The following MARCHF1 variants were observed in gnomAD, a reference collection of about 807,000 sequenced individuals.
MARCHF1 encodes membrane associated ring-CH-type finger 1, also known as E3 ubiquitin-protein ligase MARCHF1.
MARCHF1 carries 40 observed loss-of-function variants against 54.2 expected under a neutral mutation model. That is an observed-to-expected ratio of 0.74 (90% CI 0.57 to 0.96). The LOEUF (loss-of-function observed/expected upper bound fraction) is 0.96. MARCHF1 is among the 40% of genes least tolerant of loss of function. The pLI is 0.00. For missense variants in MARCHF1, 586 were observed against 656.5 expected (o/e 0.89, Z 1.17); for synonymous variants, 236 against 236.3 (o/e 1.00, Z 0.01).
chr4:163,788,004 G>A (rs1747669581), intron 4 of MARCHF1, among the ~76,000 whole-genome samples: 2 of 151,920 alleles, frequency 1.3e-5, no homozygotes, highest in Admixed American at 6.6e-5. Flanking sequence ...ATACTTTGAC[G>A]TATCTAAAGT....
intron 2 of MARCHF1, among the ~76,000 whole-genome samples, chr4:164,010,546 C>T (rs1753399413): frequency 6.6e-6 from 1 of 151,334 alleles, no homozygotes; most frequent in Non-Finnish European, 1.5e-5. Flanking sequence ...AAATAAAATA[C>T]CTAGAAATAA....
intron 3 of MARCHF1, among the ~76,000 whole-genome samples, chr4:163,934,164 C>T (rs779507482): frequency 2.0e-5 from 3 of 152,094 alleles, no homozygotes; most frequent in Non-Finnish European, 2.9e-5. Flanking sequence ...GGACCACTAC[C>T]GTGCACTGCT....
At chr4:163,909,672 A>G (rs1359909694) in intron 3 of MARCHF1, among the ~76,000 whole-genome samples, 1 of 152,188 alleles carries the variant, frequency 6.6e-6, no homozygotes, top group African/African-American at 2.4e-5. Flanking sequence ...CTAATACATC[A>G]TACCATTGAG....
intron 2 of MARCHF1, among the ~76,000 whole-genome samples, chr4:163,993,901 C>A (rs564953437): frequency 6.6e-6 from 1 of 152,054 alleles, no homozygotes; most frequent in South Asian, 2.1e-4. Flanking sequence ...TTTCTATATT[C>A]TATTTTACTT....
In MARCHF1 at chr4:163,833,093, T is replaced by C. The variant is rs556193033; in HGVS notation, c.111+20928A>G. Among the ~76,000 whole-genome samples, 729 of 152,242 alleles carry C rather than the reference T, an allele frequency of 4.8e-3. 7 individuals are homozygous for C. Among genetic ancestry groups the C allele is most frequent in the Middle Eastern group, 0.014 (4 of 294 alleles). ...CATAGCAGCATGATTTATAGTCCTT[T>C]GGGTATATACCCAGTAATGAGATGG... On this transcript the variant is annotated intron_variant, in intron 4 of 9. Coordinates refer to ENST00000514618, the MANE Select transcript of MARCHF1 (RefSeq NM_001394959.1).
chr4:163,849,205 C>A (rs1016735273), intron 4 of MARCHF1, among the ~76,000 whole-genome samples: 8 of 152,098 alleles, frequency 5.3e-5, no homozygotes, highest in Admixed American at 1.3e-4. Flanking sequence ...ACCTAAGTCA[C>A]CTTGGACAGG....
At chr4:163,637,311 G>C (rs369991031) in intron 5 of MARCHF1, among the ~76,000 whole-genome samples, 5,272 of 151,488 alleles carry the variant, frequency 0.035, 190 homozygotes, top group South Asian at 0.096. Context: ...GAACAGGCAA[G>C]CTACAAAATG....
At chr4:163,843,602 T>C (rs1038425118) in intron 4 of MARCHF1, among the ~76,000 whole-genome samples, 7 of 152,042 alleles carry the variant, frequency 4.6e-5, no homozygotes, top group Admixed American at 1.3e-4. Flanking sequence ...TAGGTAAGCA[T>C]GTGCCATGGT....
chr4:163,793,495 T>G (rs1003949897), intron 4 of MARCHF1, among the ~76,000 whole-genome samples: 1 of 152,134 alleles, frequency 6.6e-6, no homozygotes, highest in Non-Finnish European at 1.5e-5. Flanking sequence ...TAAATTACAT[T>G]TTCGTGATAG....
intron 1 of MARCHF1, among the ~76,000 whole-genome samples, chr4:164,275,502 T>G (rs1325277590): frequency 2.0e-5 from 3 of 152,240 alleles, no homozygotes; most frequent in Admixed American, 2.0e-4. Flanking sequence ...TACTAATTAA[T>G]GATGATTGTT....
intron 5 of MARCHF1, among the ~76,000 whole-genome samples, chr4:163,669,890 TC>T (rs139522250): frequency 0.024 from 3,623 of 152,094 alleles, 158 homozygotes; most frequent in African/African-American, 0.081. Flanking sequence ...GAGCCACCGC[TC>T]CCGGCCTGAG....
intron 1 of MARCHF1, among the ~76,000 whole-genome samples, chr4:164,320,781 G>A (rs1735119776): frequency 6.6e-6 from 1 of 151,808 alleles, no homozygotes; most frequent in Non-Finnish European, 1.5e-5. Context: ...TCCTTAAAAT[G>A]TGATAGAAAT....
intron 2 of MARCHF1, among the ~76,000 whole-genome samples, chr4:164,105,704 G>C (rs1364373967): frequency 1.1e-5 from 1 of 91,840 alleles, no homozygotes; most frequent in Non-Finnish European, 2.3e-5. Flanking sequence ...CATACGCATG[G>C]GCAAGGACTT....
chr4:163,836,477 C>T (rs1483163196), intron 4 of MARCHF1, among the ~76,000 whole-genome samples: 1 of 135,768 alleles, frequency 7.4e-6, no homozygotes, highest in Admixed American at 7.9e-5. Flanking sequence ...GATCTCCTGA[C>T]CTCGTGATCC....
At chr4:164,208,695 T>C (rs1731679271) in intron 1 of MARCHF1, among the ~76,000 whole-genome samples, 1 of 152,184 alleles carries the variant, frequency 6.6e-6, no homozygotes, top group Admixed American at 6.5e-5. Context: ...GGTATTGAAA[T>C]GGGCATTTAA....
At chr4:164,318,963 T>C (rs1735069070) in intron 1 of MARCHF1, among the ~76,000 whole-genome samples, 2 of 152,238 alleles carry the variant, frequency 1.3e-5, no homozygotes. Flanking sequence ...ATACTCAACT[T>C]ATCTGCTTGA....
intron 1 of MARCHF1, among the ~76,000 whole-genome samples, chr4:164,303,814 TCTTAAGTGAAA>T (rs1327478984): frequency 3.9e-5 from 6 of 152,052 alleles, no homozygotes; most frequent in Non-Finnish European, 7.4e-5. Context: ...AGCTCAGGGA[TCTTAAGTGAAA>T]CTTCATGAGA....
chr4:163,987,051 T>C (rs1752883421), intron 3 of MARCHF1, among the ~76,000 whole-genome samples: 1 of 152,248 alleles, frequency 6.6e-6, no homozygotes, highest in African/African-American at 2.4e-5. Flanking sequence ...TGAATCTTGC[T>C]TTTGGCATTT....
At chr4:164,081,563 A>G (rs764022639) in intron 2 of MARCHF1, among the ~76,000 whole-genome samples, 11 of 152,088 alleles carry the variant, frequency 7.2e-5, no homozygotes, top group Non-Finnish European at 1.2e-4. Context: ...TCTAAGCCCT[A>G]TGAGTGCTCC....
Sources: gnomAD v4.1 joint callset for allele counts (sites outside exome capture counted in the v4.1 genomes callset) on GRCh38, gnomAD v4.1.1 for gene constraint, MANE v1.5 for transcripts, NCBI Gene and HGNC (gene_info 2026-07-23, HGNC 2026-07-21) for gene names.